FRMPD3: variants seen among roughly 807,000 people sequenced by gnomAD.
The protein encoded by FRMPD3 is FERM and PDZ domain-containing protein 3.
In FRMPD3, 42 loss-of-function variants were observed where a neutral mutation model predicts 97.9. The ratio of observed to expected loss-of-function variants is 0.43; its 90% CI spans 0.34 to 0.55. The LOEUF is 0.55. FRMPD3 is among the 20% of genes least tolerant of loss of function. The pLI is 0.03. For synonymous variants in FRMPD3, 577 were observed against 581.1 expected (o/e 0.99, Z 0.10); for missense variants, 1,303 against 1,457.7 (o/e 0.89, Z 1.73).
At chrX:107,455,604 C>CT (rs199568752) in intron 1 of FRMPD3, among the ~76,000 whole-genome samples, 5,581 of 109,904 alleles carry the variant, frequency 0.051, 379 homozygotes, top group African/African-American at 0.18. Context: ...GCAAGTACAT[C>CT]TTTTTTTTTA....
Position 107,602,842 on chromosome X carries a change from G to T in FRMPD3, c.4803G>T (p.Leu1601=), listed in dbSNP as rs1396407969. 8.3e-7 allele frequency: 1 copy of T among 1,210,185 alleles called. No homozygotes were observed. Among genetic ancestry groups the T allele is most frequent in the African/African-American group, 1.7e-5 (1 of 58,049 alleles). The change falls in exon 15 of 15, where the codon CTG becomes CTT. Residue 1601 remains leucine (L), a synonymous_variant. Coordinates refer to ENST00000683843, the MANE Select transcript of FRMPD3 (RefSeq NM_001388459.1). ...CTGCCCGGCTGGACACCAACGAGCT[G>T]CTGACAGTCCTGCGGCAGTGTGTGG... is the stretch of plus-strand genomic sequence containing the variant. ...FLAARLDTNE[L]LTVLRQCVAS...
chrX:107,549,741 A>G (rs764840688), intron 5 of FRMPD3, among the ~76,000 whole-genome samples: 70 of 111,951 alleles, frequency 6.3e-4, no homozygotes, highest in Non-Finnish European at 1.1e-3. Context: ...GAGGCCTCTC[A>G]TCAGCCCTTC....
At chrX:107,539,395 A>G (rs1921184696) in intron 4 of FRMPD3, among the ~76,000 whole-genome samples, 1 of 112,235 alleles carries the variant, frequency 8.9e-6, no homozygotes, top group Non-Finnish European at 1.9e-5. Flanking sequence ...TAATCTTGAA[A>G]TCTTTAGACC....
rs781250129 is a variant in FRMPD3, at chrX:107,555,608, A to G, written c.762+1104A>G. ...ATGGTGGTTTAAACCTTAGATGCAC[A>G]TTAAAATTATCTGGGAGGTTTGGGA... On this transcript the variant is annotated intron_variant, in intron 8 of 14. Coordinates refer to ENST00000683843, the MANE Select transcript of FRMPD3 (RefSeq NM_001388459.1). 2.6e-4 allele frequency among the ~76,000 whole-genome samples: 29 copies of G among 112,027 alleles called. No homozygotes were observed. In the East Asian group the frequency reaches 2.8e-3, roughly 11 times the overall value.
At chrX:107,450,236 G>T (rs967601164) in intron 1 of FRMPD3, among the ~76,000 whole-genome samples, 2 of 111,254 alleles carry the variant, frequency 1.8e-5, no homozygotes, top group Non-Finnish European at 3.8e-5. Context: ...CTGGCTTGGC[G>T]GGCTCGTTTG....
At chrX:107,454,363 C>T (rs1367702851) in intron 1 of FRMPD3, among the ~76,000 whole-genome samples, 2 of 111,655 alleles carry the variant, frequency 1.8e-5, no homozygotes. Context: ...TCCTGAGGTT[C>T]AGTCCTATAT....
chrX:107,564,685 A>T (rs1210583911), intron 11 of FRMPD3, among the ~76,000 whole-genome samples: 2 of 112,043 alleles, frequency 1.8e-5, no homozygotes, highest in Non-Finnish European at 3.8e-5. Context: ...TGGACCCATA[A>T]TCTGGGGCTC....
intron 6 of FRMPD3, among the ~76,000 whole-genome samples, chrX:107,551,136 G>T (rs1471479912): frequency 8.9e-6 from 1 of 112,113 alleles, no homozygotes; most frequent in African/African-American, 3.2e-5. Context: ...ATGATTTGGT[G>T]TGCTACTGGC....
At position 107,545,848 on chromosome X, in the gene FRMPD3, G is replaced by A. The variant is rs775619368; in HGVS notation, c.402+7G>A. The A allele has an allele frequency of 8.5e-7, 1 of 1,180,154 alleles. No individual in the cohort carries two copies. Among genetic ancestry groups the A allele is most frequent in the Admixed American group, 2.2e-5 (1 of 45,897 alleles). ...AGTTGGAGAAACAGATGCAGTAAGT[G>A]TAGCTTTGGCTCCCTCTCCTCAGCC... On this transcript the variant is annotated splice_region_variant and intron_variant, in intron 5 of 14. Transcript: ENST00000683843.
intron 1 of FRMPD3, among the ~76,000 whole-genome samples, chrX:107,454,954 C>G (rs1457991925): frequency 9.0e-6 from 1 of 111,605 alleles, no homozygotes; most frequent in East Asian, 2.8e-4. Context: ...AACAAGCTCC[C>G]CAAGTGATTT....
At chrX:107,513,859 G>A in intron 1 of FRMPD3, among the ~76,000 whole-genome samples, 1 of 112,218 alleles carries the variant, frequency 8.9e-6, no homozygotes, top group East Asian at 2.8e-4. Context: ...ATATACTGTT[G>A]TACAAAAAAG....
intron 1 of FRMPD3, among the ~76,000 whole-genome samples, chrX:107,504,156 G>A (rs1921977943): frequency 8.9e-6 from 1 of 112,860 alleles, no homozygotes; most frequent in South Asian, 3.6e-4. Context: ...CAGGCTCTGA[G>A]ACTGCCAAGG....
chrX:107,564,875 C>CTT lies in FRMPD3; in HGVS notation c.1117-11_1117-10dup. 1 of 1,209,999 alleles carries CTT rather than the reference C, an allele frequency of 8.3e-7. No homozygotes were observed. The highest frequency in any genetic ancestry group is 2.2e-5 in the Admixed American group (1 of 46,047). On this transcript the variant is annotated splice_polypyrimidine_tract_variant and intron_variant, in intron 11 of 14. Transcript: ENST00000683843. Reference sequence around the variant, plus strand: ...CCTTCTGTGAACGTTGCCTGCCATTCTTGGGCACCAGGATGAGAAGCAGTC... The same window carrying CTT: ...CCTTCTGTGAACGTTGCCTGCCATTCTTTTGGGCACCAGGATGAGAAGCAGTC...
At chrX:107,485,968 T>C (rs1048663301) in intron 1 of FRMPD3, among the ~76,000 whole-genome samples, 3 of 112,248 alleles carry the variant, frequency 2.7e-5, no homozygotes, top group African/African-American at 9.7e-5. Flanking sequence ...TCGGCCATTC[T>C]CTGCCTTTGT....
Position 107,563,179 on chromosome X carries a change from T to A in FRMPD3, c.1095T>A (p.Val365=), listed in dbSNP as rs1161471567. ...ILNELPTFTG[V]LFNTVGLDEK... Reference sequence around the variant, plus strand: ...ATGAACTTCCTACCTTCACGGGCGTTTTGTTCAACACTGTAGGCCTGGTCA... The same window carrying A: ...ATGAACTTCCTACCTTCACGGGCGTATTGTTCAACACTGTAGGCCTGGTCA... The change falls in exon 11 of 15, where the codon GTT becomes GTA. Residue 365 remains valine, a synonymous_variant. Transcript: ENST00000683843. 8.3e-7 allele frequency: 1 copy of A among 1,208,121 alleles called. No individual in the cohort carries two copies. Among genetic ancestry groups the A allele is most frequent in the African/African-American group, 1.7e-5 (1 of 57,668 alleles).
At chrX:107,593,149 G>T (rs779377560) in intron 13 of FRMPD3, among the ~76,000 whole-genome samples, 1 of 111,419 alleles carries the variant, frequency 9.0e-6, no homozygotes, top group Non-Finnish European at 1.9e-5. Flanking sequence ...GATAATTAGT[G>T]ATGTTGCACA....
intron 13 of FRMPD3, among the ~76,000 whole-genome samples, chrX:107,593,853 A>G (rs754671867): frequency 9.0e-6 from 1 of 111,530 alleles, no homozygotes; most frequent in East Asian, 2.8e-4. Flanking sequence ...TGCTTTTGCT[A>G]TGCGGGCTCT....
rs1924776611 is a variant in FRMPD3, at chrX:107,605,138, C to G, written c.*1765C>G. On this transcript the variant is annotated 3_prime_UTR_variant, in exon 15 of 15. Transcript: ENST00000683843. ...CAGCCTCATGGAGAGGAAACATTTT[C>G]TAATGTCTGTATATAGTATATATAC... 1.8e-5 allele frequency: 2 copies of G among 110,799 alleles called. No individual in the cohort carries two copies. The highest frequency in any genetic ancestry group is 7.8e-4 in the South Asian group (2 of 2,579). 9.1% of individuals were successfully genotyped at this position (110,799 alleles called of 1,213,427 possible).
At chrX:107,595,680 G>A (rs1461345512) in intron 13 of FRMPD3, among the ~76,000 whole-genome samples, 1 of 111,090 alleles carries the variant, frequency 9.0e-6, no homozygotes, top group Non-Finnish European at 1.9e-5. Context: ...GGTCACGCCT[G>A]TAATCCCTGC....
Sources: gnomAD v4.1 joint callset for allele counts (sites outside exome capture counted in the v4.1 genomes callset) on GRCh38, gnomAD v4.1.1 for gene constraint, MANE v1.5 for transcripts, NCBI Gene and HGNC (gene_info 2026-07-23, HGNC 2026-07-21) for gene names.